The following HTT variants were observed in gnomAD, a reference collection of about 807,000 sequenced individuals.
The protein encoded by HTT is huntington disease protein.
A neutral mutation model predicts 362.3 loss-of-function variants in HTT; 104 were observed. The ratio of observed to expected loss-of-function variants is 0.29; its 90% confidence interval spans 0.24 to 0.34. The LOEUF (loss-of-function observed/expected upper bound fraction) is 0.34. HTT is among the 10% of genes least tolerant of loss of function. The pLI, the probability that HTT is intolerant of heterozygous loss-of-function variation, is 1.00. For missense variants in HTT, 3,301 were observed against 3,928.6 expected (o/e 0.84, Z 4.27); for synonymous variants, 1,577 against 1,548.7 (o/e 1.02, Z -0.43).
In HTT at chr4:3,233,342, AG is replaced by A; in HGVS notation, c.8448del (p.Ile2817SerfsTer5). 1 of 1,600,592 alleles carries A rather than the reference AG, an allele frequency of 6.2e-7. No individual in the cohort carries two copies. The highest frequency in any genetic ancestry group is 8.5e-7 in the Non-Finnish European group (1 of 1,169,634). On this transcript the variant is annotated frameshift_variant, in exon 61 of 67. Transcript: ENST00000355072. LOFTEE classifies it high-confidence loss of function. Reference protein sequence around the residue: ...ISDYLLSNLKGIAHCVNIHSQ... With the variant: ...ISDYLLSNLKXIAHCVNIHSQ... ...GCGACTATCTCCTCTCCAACCTGAA[AG>A]GGATCGCCCAGTGAGTGGGAGCCTG...
chr4:3,087,129 A>G, intron 2 of HTT, 107 bp downstream of exon 2: 2 of 604,974 alleles, frequency 3.3e-6, no homozygotes, highest in Non-Finnish European at 5.9e-6. Context: ...GGATTCAGAA[A>G]TCCATTTAAG....
chr4:3,110,053 A>T (rs911824525), intron 6 of HTT, among the ~76,000 whole-genome samples: 2 of 152,158 alleles, frequency 1.3e-5, no homozygotes, highest in Non-Finnish European at 2.9e-5. Context: ...GCTGGCTTTC[A>T]TCACCATGTC....
chr4:3,148,249 A>T (rs1428927159), intron 26 of HTT, 42 bp downstream of exon 26: 1 of 1,400,638 alleles, frequency 7.1e-7, no homozygotes, highest in Non-Finnish European at 9.7e-7. Context: ...AGCCTTAATG[A>T]CTATGGGTTT....
chr4:3,096,117 C>T (rs1274660575), intron 2 of HTT, among the ~76,000 whole-genome samples: 3 of 152,228 alleles, frequency 2.0e-5, no homozygotes, highest in African/African-American at 7.2e-5. Context: ...AAAGCAAAGG[C>T]TCTTGCCCAG....
intron 15 of HTT, 40 bp downstream of exon 15, chr4:3,131,437 C>G (rs1485636924): frequency 1.9e-6 from 3 of 1,545,538 alleles, no homozygotes; most frequent in Middle Eastern, 1.7e-4. Context: ...AAGGAAATAA[C>G]TAGGTTTCAG....
intron 51 of HTT, among the ~76,000 whole-genome samples, chr4:3,216,412 T>C (rs1416827773): frequency 6.6e-6 from 1 of 152,232 alleles, no homozygotes; most frequent in Non-Finnish European, 1.5e-5. Flanking sequence ...CCTGTGCTTC[T>C]GTGGTGAGGA....
intron 23 of HTT, among the ~76,000 whole-genome samples, chr4:3,143,371 A>G (rs1177910191): frequency 2.9e-5 from 4 of 137,572 alleles, no homozygotes; most frequent in Non-Finnish European, 4.6e-5. Flanking sequence ...TGGGAGGTAG[A>G]GGTTGCAGTG....
intron 40 of HTT, among the ~76,000 whole-genome samples, chr4:3,193,742 ATAATTTTATT>A (rs559467553): frequency 3.9e-4 from 60 of 152,296 alleles, no homozygotes; most frequent in Admixed American, 1.5e-3. Context: ...AGCTTAATTT[ATAATTTTATT>A]TAATTTTAAT....
intron 29 of HTT, among the ~76,000 whole-genome samples, chr4:3,161,947 T>C (rs1481842179): frequency 6.6e-6 from 1 of 152,246 alleles, no homozygotes; most frequent in Admixed American, 6.5e-5. Flanking sequence ...TTTGTCAATT[T>C]TGGCTTTTGT....
At chr4:3,165,167 G>C (rs890491089) in intron 29 of HTT, among the ~76,000 whole-genome samples, 1 of 152,108 alleles carries the variant, frequency 6.6e-6, no homozygotes, top group Admixed American at 6.6e-5. Context: ...TTTATTTCTC[G>C]TTCACTTATG....
At chr4:3,116,738 A>T (rs1462025678) in intron 8 of HTT, among the ~76,000 whole-genome samples, 2 of 152,188 alleles carry the variant, frequency 1.3e-5, no homozygotes, top group African/African-American at 2.4e-5. Flanking sequence ...GTGTCGGAAC[A>T]AAATGTCGGA....
At position 3,186,838 on chromosome 4, in the gene HTT, C is replaced by CTTTTT. The variant is rs1160738052; in HGVS notation, c.4989+137_4989+141dup. The stretch of plus-strand genomic sequence containing the variant: ...TTGGGTAGGGCTTCTTGAGAGTTTG[C>CTTTTT]TTTTTTTTTTTTTTTTTTTTTTGGT... On this transcript the variant is annotated intron_variant, in intron 38 of 66. Coordinates refer to ENST00000355072, the MANE Select transcript of HTT (RefSeq NM_001388492.1). 42 of 250,830 alleles carry CTTTTT rather than the reference C, an allele frequency of 1.7e-4. 1 individual carries two copies. The highest frequency in any genetic ancestry group is 4.1e-4 in the African/African-American group (10 of 24,214). 15.5% of individuals were successfully genotyped at this position (250,830 alleles called of 1,614,324 possible).
At chr4:3,146,295 A>G (rs1716595150) in intron 24 of HTT, among the ~76,000 whole-genome samples, 1 of 152,344 alleles carries the variant, frequency 6.6e-6, no homozygotes, top group East Asian at 1.9e-4. Context: ...TCTTTCAATA[A>G]CTTTTACTAC....
At chr4:3,159,443 C>T (rs934199724) in intron 28 of HTT, among the ~76,000 whole-genome samples, 3 of 152,242 alleles carry the variant, frequency 2.0e-5, no homozygotes, top group Admixed American at 2.0e-4. Context: ...CTTCATCTCA[C>T]ATGACATCAC....
At chr4:3,108,703 T>TA (rs1374564550) in intron 6 of HTT, among the ~76,000 whole-genome samples, 2 of 152,038 alleles carry the variant, frequency 1.3e-5, no homozygotes, top group African/African-American at 2.4e-5. Flanking sequence ...CCTTTGGCAT[T>TA]AAAAAAAATC....
chr4:3,136,392 A>G (rs1716066717), intron 21 of HTT, 66 bp downstream of exon 21: 1 of 789,622 alleles, frequency 1.3e-6, no homozygotes, highest in Non-Finnish European at 2.1e-6. Context: ...GAGAATGGAA[A>G]GAGAGGGAAG....
chr4:3,138,226 T>C (rs1384102061), intron 21 of HTT, among the ~76,000 whole-genome samples: 1 of 149,070 alleles, frequency 6.7e-6, no homozygotes, highest in Non-Finnish European at 1.5e-5. Flanking sequence ...TTCGTTTCTT[T>C]CTACATATAC....
intron 50 of HTT, among the ~76,000 whole-genome samples, chr4:3,214,612 A>G (rs1009603222): frequency 2.8e-4 from 42 of 152,356 alleles, no homozygotes; most frequent in African/African-American, 9.4e-4. Context: ...ATTAGCCACA[A>G]TTTTTAAAAA....
intron 1 of HTT, among the ~76,000 whole-genome samples, chr4:3,086,392 C>T (rs1713208903): frequency 6.6e-6 from 1 of 152,124 alleles, no homozygotes; most frequent in African/African-American, 2.4e-5. Flanking sequence ...GAAGTGAGGC[C>T]AGTCATGGTG....
Sources: allele counts gnomAD v4.1 joint callset (sites outside exome capture counted in the v4.1 genomes callset), GRCh38; gene constraint gnomAD v4.1.1; transcripts MANE v1.5; gene names NCBI Gene and HGNC (gene_info 2026-07-23, HGNC 2026-07-21).